HCN2: variants seen among roughly 807,000 people sequenced by gnomAD.
HCN2 encodes the protein potassium/sodium hyperpolarization-activated cyclic nucleotide-gated channel 2.
In HCN2, 20 loss-of-function variants were observed where a neutral mutation model predicts 52.3. The ratio of observed to expected loss-of-function variants is 0.38; its 90% CI spans 0.27 to 0.56. The LOEUF is 0.56. Ranked by LOEUF, HCN2 falls within the 20% of genes least tolerant of loss-of-function variation. The pLI is 0.71. For synonymous variants in HCN2, 694 were observed against 537.0 expected, an observed-to-expected ratio of 1.29 and a Z score of -4.04; for missense variants, 981 against 1,207.7, an observed-to-expected ratio of 0.81 and a Z score of 2.78.
intron 5 of HCN2, 125 bp downstream of exon 5, chr19:610,530 C>T: frequency 1.2e-6 from 1 of 820,466 alleles, no homozygotes; most frequent in Non-Finnish European, 2.0e-6. Context: ...GGGACTCGAG[C>T]TAGACCTGCG....
Position 615,486 on chromosome 19 carries a change from C to G in HCN2, c.1991-309C>G, listed in dbSNP as rs568920781. Among the ~76,000 whole-genome samples, 9 of 152,302 alleles carry G rather than the reference C, an allele frequency of 5.9e-5. No homozygotes were observed. The South Asian group carries it at 1.9e-3, about 32-fold the overall frequency. On this transcript the variant is annotated intron_variant, in intron 7 of 7. Coordinates refer to ENST00000251287, the MANE Select transcript of HCN2 (RefSeq NM_001194.4). ...CCGAGATCGCGCCACTGCACTCCAG[C>G]CCGGGCGACAGAGCAAGACTCCGTC...
chr19:612,904 T>C (rs946502625), intron 5 of HCN2, among the ~76,000 whole-genome samples: 3 of 151,424 alleles, frequency 2.0e-5, no homozygotes, highest in African/African-American at 7.3e-5. Context: ...GGTCTAGAAC[T>C]CCTGGGCTCA....
chr19:611,588 G>C (rs1045594968), intron 5 of HCN2, among the ~76,000 whole-genome samples: 3 of 152,218 alleles, frequency 2.0e-5, no homozygotes, highest in Admixed American at 6.5e-5. Flanking sequence ...CGCCAAGAAT[G>C]TTTAATTGCA....
chr19:604,021 CAT>C lies in HCN2; in HGVS notation c.1056+55_1056+56del, dbSNP rs1568364242. On this transcript the variant is annotated intron_variant, in intron 2 of 7. Coordinates refer to ENST00000251287, the MANE Select transcript of HCN2 (RefSeq NM_001194.4). ...CAGCAGGGGCGGGGCTATAATGGTG[CAT>C]GGGCGGGGCCAAGGCAGCAGGGGCG... 95 of 1,182,986 alleles carry C rather than the reference CAT, an allele frequency of 8.0e-5. 2 individuals are homozygous for C. The East Asian group carries it at 1.7e-3, about 21-fold the overall frequency. 73.3% of individuals were successfully genotyped at this position (1,182,986 alleles called of 1,614,324 possible).
Position 616,781 on chromosome 19 carries a change from C to T in HCN2, c.*307C>T, listed in dbSNP as rs1291460132. 6 of 220,548 alleles carry T rather than the reference C, an allele frequency of 2.7e-5. No homozygotes were observed. The highest frequency in any genetic ancestry group is 1.2e-4 in the African/African-American group (5 of 42,274). The allele number at this position is 220,548 out of a possible 1,614,324, so 13.7% of individuals were successfully genotyped here. A position where few individuals can be genotyped will look rare whatever the true frequency, so the allele number is the denominator to read the frequency against. Reference sequence around the variant, plus strand: ...GCTGTAAGACAGGGACGGGGCGGCCCAGTGGCTGAGAGGAGCCGGCTGTGG... The same window carrying T: ...GCTGTAAGACAGGGACGGGGCGGCCTAGTGGCTGAGAGGAGCCGGCTGTGG... On this transcript the variant is annotated 3_prime_UTR_variant, in exon 8 of 8. Coordinates refer to ENST00000251287, the MANE Select transcript of HCN2 (RefSeq NM_001194.4).
In HCN2 at chr19:616,611, G is replaced by A. The variant is rs56114824; in HGVS notation, c.*137G>A. On this transcript the variant is annotated 3_prime_UTR_variant, in exon 8 of 8. Coordinates refer to ENST00000251287, the MANE Select transcript of HCN2 (RefSeq NM_001194.4). ...GAGACGTAGGTAGCCGTAGTTGGAC[G>A]GACGGGCAGGGCCGGCGGGGCAGCC... The A allele has an allele frequency of 1.0e-4, 45 of 440,346 alleles. 1 individual carries two copies. The highest frequency in any genetic ancestry group is 1.6e-4 in the Admixed American group (3 of 18,278). The allele number at this position is 440,346 out of a possible 1,614,324, so 27.3% of individuals were successfully genotyped here. A position where few individuals can be genotyped will look rare whatever the true frequency, so the allele number is the denominator to read the frequency against.
chr19:608,161 G>A lies in HCN2; in HGVS notation c.1416G>A (p.Ser472=), dbSNP rs992039092. 8 of 1,612,896 alleles carry A rather than the reference G, an allele frequency of 5.0e-6. No individual in the cohort carries two copies. The highest frequency in any genetic ancestry group is 3.4e-4 in the Middle Eastern group (2 of 5,812). Residue 472 remains serine (S), a synonymous_variant, in exon 4 of 8, where the codon TCG becomes TCA. Transcript: ENST00000251287. ...ATALIQSLDS[S]RRQYQEKYKQ... is the part of the protein sequence containing the mutation. ...CCCTCATCCAGTCGCTGGACTCCTC[G>A]CGGCGCCAGTACCAGGAGAAGGTCT...
At chr19:601,962 C>T (rs567102460) in intron 1 of HCN2, among the ~76,000 whole-genome samples, 12 of 152,146 alleles carry the variant, frequency 7.9e-5, no homozygotes, top group Admixed American at 2.6e-4. Flanking sequence ...CTCTTGTCCA[C>T]GGGTATTTAT....
chr19:598,391 C>G (rs548175415), intron 1 of HCN2, among the ~76,000 whole-genome samples: 1 of 151,782 alleles, frequency 6.6e-6, no homozygotes, highest in Non-Finnish European at 1.5e-5. Context: ...ACTGCAGCCT[C>G]GACTTCATGG....
chr19:616,618 C>T lies in HCN2; in HGVS notation c.*144C>T. On this transcript the variant is annotated 3_prime_UTR_variant, in exon 8 of 8. Coordinates refer to ENST00000251287, the MANE Select transcript of HCN2 (RefSeq NM_001194.4). ...AGGTAGCCGTAGTTGGACGGACGGG[C>T]AGGGCCGGCGGGGCAGCCCCCTCCG... The T allele has an allele frequency of 2.4e-6, 1 of 412,260 alleles. No individual in the cohort carries two copies. Among genetic ancestry groups the T allele is most frequent in the Non-Finnish European group, 3.6e-6 (1 of 276,838 alleles). The allele number at this position is 412,260 out of a possible 1,614,324, so 25.5% of individuals were successfully genotyped here.
rs749851961 is a variant in HCN2 at position 605,031 on chromosome 19, G to T, written c.1057-30G>T. On this transcript the variant is annotated intron_variant, in intron 2 of 7. Coordinates refer to ENST00000251287, the MANE Select transcript of HCN2 (RefSeq NM_001194.4). The stretch of plus-strand genomic sequence containing the variant: ...GAAGGTGGGGGCCGGGGGTCAGCGG[G>T]TAGGGTGGGCTCACGGCGCCTTCCT... 5.0e-6 allele frequency: 8 copies of T among 1,600,438 alleles called. 1 individual carries two copies. In the South Asian group the frequency reaches 7.7e-5, roughly 15 times the overall value.
intron 1 of HCN2, among the ~76,000 whole-genome samples, chr19:600,697 T>A (rs1983176059): frequency 6.6e-6 from 1 of 152,014 alleles, no homozygotes; most frequent in Non-Finnish European, 1.5e-5. Flanking sequence ...GCCAGGCTGG[T>A]CTCAAACCCC....
At position 603,568 on chromosome 19, in the gene HCN2, G is replaced by A; in HGVS notation, c.657G>A (p.Leu219=). 1 of 1,607,416 alleles carries A rather than the reference G, an allele frequency of 6.2e-7. No individual in the cohort carries two copies. Among genetic ancestry groups the A allele is most frequent in the Non-Finnish European group, 8.5e-7 (1 of 1,175,852 alleles). ...GGTTCTACTGGGACTTCACCATGCT[G>A]CTGTTCATGGTGGGAAACCTCATCA... ...DFRFYWDFTM[L]LFMVGNLIII... Residue 219 remains leucine, a synonymous_variant, in exon 2 of 8, where the codon CTG becomes CTA. Transcript: ENST00000251287.
chr19:615,379 T>C (rs1321019885), intron 7 of HCN2, among the ~76,000 whole-genome samples: 1 of 151,198 alleles, frequency 6.6e-6, no homozygotes, highest in African/African-American at 2.4e-5. Flanking sequence ...CCGGGTGTGG[T>C]GGCGGGCGCC....
intron 7 of HCN2, 40 bp from the exon 8 acceptor site, chr19:615,755 G>A (rs1002766862): frequency 2.5e-6 from 4 of 1,602,608 alleles, no homozygotes; most frequent in Non-Finnish European, 3.4e-6. Flanking sequence ...GTACGCAGCA[G>A]GCGCTCCCTG....
chr19:609,452 G>A (rs1365891032), intron 4 of HCN2, among the ~76,000 whole-genome samples: 1 of 152,226 alleles, frequency 6.6e-6, no homozygotes. Flanking sequence ...ATTCCTCAGG[G>A]ATAGGGTTGC....
chr19:616,062 G>C lies in HCN2; in HGVS notation c.2258G>C (p.Gly753Ala), dbSNP rs979332071. Residue 753 changes from glycine (G) to alanine (A), a missense_variant, in exon 8 of 8, where the codon GGC becomes GCC. Coordinates refer to ENST00000251287, the MANE Select transcript of HCN2 (RefSeq NM_001194.4). ...CCGCTCGTGGGGCCGCTGGCGCTCG[G>C]CTCGCCGCGCCTCGTGCGCCGCCCG... is the stretch of plus-strand genomic sequence containing the variant. Reference protein sequence around the residue: ...ARPLVGPLALGSPRLVRRPPP... With the variant: ...ARPLVGPLALASPRLVRRPPP... The C allele has an allele frequency of 6.9e-6, 8 of 1,163,066 alleles. No homozygotes were observed. Among genetic ancestry groups the C allele is most frequent in the African/African-American group, 4.9e-5 (3 of 61,154 alleles). The allele number at this position is 1,163,066 out of a possible 1,614,324, so 72.0% of individuals were successfully genotyped here.
chr19:613,614 TGGG>T (rs1309678616), intron 6 of HCN2, 126 bp downstream of exon 6: 6 of 40,354 alleles, frequency 1.5e-4, no homozygotes, highest in Admixed American at 7.9e-4. Flanking sequence ...GGGCCGGGGA[TGGG>T]GATGGGGATG....
At chr19:600,906 C>T (rs1041119744) in intron 1 of HCN2, among the ~76,000 whole-genome samples, 6 of 152,196 alleles carry the variant, frequency 3.9e-5, no homozygotes, top group African/African-American at 7.2e-5. Flanking sequence ...CTCATTCCCC[C>T]GGACAGAAAC....
Sources: gnomAD v4.1 joint callset for allele counts (sites outside exome capture counted in the v4.1 genomes callset) on GRCh38, gnomAD v4.1.1 for gene constraint, MANE v1.5 for transcripts, NCBI Gene and HGNC (gene_info 2026-07-23, HGNC 2026-07-21) for gene names.